AKR1C3: variants seen among roughly 807,000 people sequenced by gnomAD.
AKR1C3 encodes the protein aldo-keto reductase family 1 member C3.
In AKR1C3, 48 loss-of-function variants were observed where a neutral mutation model predicts 43.6. The ratio of observed to expected loss-of-function variants is 1.10; its 90% confidence interval spans 0.87 to 1.40. The LOEUF (loss-of-function observed/expected upper bound fraction) is 1.40. Among genes scored for constraint, AKR1C3 ranks in the 40% most tolerant of loss-of-function variants. AKR1C3 has a pLI of 0.00. For missense variants in AKR1C3, 482 were observed against 391.2 expected (o/e 1.23, Z -1.96); for synonymous variants, 162 against 139.6 (o/e 1.16, Z -1.13).
At chr10:5,094,659 A>G in intron 1 of AKR1C3, 131 bp downstream of exon 1, 1 of 940,596 alleles carries the variant, frequency 1.1e-6, no homozygotes, top group Non-Finnish European at 1.6e-6. Flanking sequence ...TTCCTAGGCT[A>G]GGAGAAAAAA....
At chr10:5,066,707 T>G (rs548325198) in intron 1 of AKR1C3, among the ~76,000 whole-genome samples, 1 of 152,324 alleles carries the variant, frequency 6.6e-6, no homozygotes, top group South Asian at 2.1e-4. Flanking sequence ...TCACTTAACT[T>G]AGCAGTCTCA....
intron 1 of AKR1C3, among the ~76,000 whole-genome samples, chr10:5,052,459 GTACAGAGAGCTGATTGGTCTGTTT>G (rs376958185): frequency 0.015 from 2,272 of 152,152 alleles, 68 homozygotes; most frequent in African/African-American, 0.052. Context: ...TTGTTCCATT[GTACAGAGAGCTGATTGGTCTGTTT>G]TACAGAGAGC....
At chr10:5,095,601 T>G (rs1428554376) in intron 1 of AKR1C3, among the ~76,000 whole-genome samples, 2 of 152,164 alleles carry the variant, frequency 1.3e-5, no homozygotes, top group Non-Finnish European at 2.9e-5. Context: ...AACAGTTTAT[T>G]TATATTTTTG....
intron 1 of AKR1C3, among the ~76,000 whole-genome samples, chr10:5,067,163 G>A (rs1314726338): frequency 6.6e-6 from 1 of 151,408 alleles, no homozygotes; most frequent in African/African-American, 2.5e-5. Context: ...TATAAGGCTG[G>A]CTGCAAATTC....
intron 8 of AKR1C3, among the ~76,000 whole-genome samples, chr10:5,107,077 C>A (rs1433332529): frequency 1.3e-5 from 2 of 152,062 alleles, no homozygotes; most frequent in Non-Finnish European, 2.9e-5. Context: ...GGATATTAGA[C>A]CCTATATCAT....
intron 4 of AKR1C3, among the ~76,000 whole-genome samples, 170 bp from the exon 5 acceptor site, chr10:5,099,157 C>CTCTA (rs1839287208): frequency 6.6e-6 from 1 of 152,158 alleles, no homozygotes; most frequent in African/African-American, 2.4e-5. Context: ...CTCTTGCTGC[C>CTCTA]TCTATCTTCT....
chr10:5,062,355 C>T (rs554678219), intron 1 of AKR1C3, among the ~76,000 whole-genome samples: 107 of 152,264 alleles, frequency 7.0e-4, no homozygotes, highest in African/African-American at 2.4e-3. Context: ...AGGCCAATTT[C>T]GTGGACTGTT....
intron 1 of AKR1C3, among the ~76,000 whole-genome samples, chr10:5,084,022 G>C (rs1213455509): frequency 2.0e-5 from 3 of 152,172 alleles, no homozygotes; most frequent in African/African-American, 7.2e-5. Flanking sequence ...CTCCCATTCT[G>C]TAGGTTGCCT....
At chr10:5,089,983 C>T (rs1839050503), upstream of AKR1C3, among the ~76,000 whole-genome samples, 1 of 152,144 alleles carries the variant, frequency 6.6e-6, no homozygotes, top group South Asian at 2.1e-4. Flanking sequence ...GGCTTTGCTT[C>T]AATAGCCCTA....
At chr10:5,099,203 C>A in intron 4 of AKR1C3, 124 bp from the exon 5 acceptor site, 1 of 1,489,602 alleles carries the variant, frequency 6.7e-7, no homozygotes. Context: ...CTTTTTTTGA[C>A]AATCACTGCT....
chr10:5,072,783 A>T (rs576857668), intron 1 of AKR1C3, among the ~76,000 whole-genome samples: 4 of 152,178 alleles, frequency 2.6e-5, no homozygotes, highest in Admixed American at 6.5e-5. Context: ...GTTATAAAAA[A>T]TGGTGGTGTT....
intron 1 of AKR1C3, among the ~76,000 whole-genome samples, chr10:5,064,669 TAAAC>T (rs1285326729): frequency 2.6e-5 from 4 of 151,946 alleles, no homozygotes; most frequent in Non-Finnish European, 2.9e-5. Flanking sequence ...ACAAGAAACT[TAAAC>T]AAAATAACAA....
At chr10:5,049,805 A>G (rs1336942057) in intron 1 of AKR1C3, among the ~76,000 whole-genome samples, 1 of 152,158 alleles carries the variant, frequency 6.6e-6, no homozygotes, top group Non-Finnish European at 1.5e-5. Flanking sequence ...CCTTCCATGT[A>G]CCTTTGTCCC....
At chr10:5,094,204 GTTT>G, upstream of AKR1C3, 1 of 268,498 alleles carries the variant, frequency 3.7e-6, no homozygotes, top group Non-Finnish European at 7.2e-6. Flanking sequence ...AAATTAATGA[GTTT>G]ATTATAACCA....
At chr10:5,105,538 A>G in intron 7 of AKR1C3, 57 bp from the exon 8 acceptor site, 1 of 1,301,428 alleles carries the variant, frequency 7.7e-7, no homozygotes. Context: ...TGTCTAATAT[A>G]CTTGGGGATT....
At chr10:5,069,484 A>G (rs1554781123) in intron 1 of AKR1C3, among the ~76,000 whole-genome samples, 1 of 152,218 alleles carries the variant, frequency 6.6e-6, no homozygotes, top group Non-Finnish European at 1.5e-5. Flanking sequence ...TTTTCTCACT[A>G]CTAACATAAT....
At chr10:5,064,939 A>C (rs569422647) in intron 1 of AKR1C3, among the ~76,000 whole-genome samples, 1 of 151,694 alleles carries the variant, frequency 6.6e-6, no homozygotes, top group South Asian at 2.1e-4. Context: ...AAAAATTAAA[A>C]AGTGGGGAAA....
At chr10:5,096,212 T>C (rs1839203009) in intron 1 of AKR1C3, 198 bp from the exon 2 acceptor site, 2 of 553,850 alleles carry the variant, frequency 3.6e-6, no homozygotes, top group Non-Finnish European at 6.2e-6. Context: ...CAACCAGAGA[T>C]TGCCTGAGAC....
At chr10:5,086,691 C>T (rs1410358986) in intron 1 of AKR1C3, among the ~76,000 whole-genome samples, 6 of 152,034 alleles carry the variant, frequency 3.9e-5, no homozygotes, top group Non-Finnish European at 8.8e-5. Flanking sequence ...AAGTCTCCCA[C>T]TATTATTGTG....
Sources: gnomAD v4.1 joint callset for allele counts (sites outside exome capture counted in the v4.1 genomes callset) on GRCh38, gnomAD v4.1.1 for gene constraint, MANE v1.5 for transcripts, NCBI Gene and HGNC (gene_info 2026-07-23, HGNC 2026-07-21) for gene names.